DGKI: variants seen among roughly 807,000 people sequenced by gnomAD.
The protein encoded by DGKI is diacylglycerol kinase iota.
A neutral mutation model predicts 147.5 loss-of-function variants in DGKI; 55 were observed. The ratio of observed to expected loss-of-function variants is 0.37; its 90% CI spans 0.30 to 0.47. The LOEUF is 0.47. Among genes scored for constraint, DGKI ranks in the 20% least tolerant of loss-of-function variants. DGKI has a pLI of 1.00. For synonymous variants in DGKI, 469 were observed against 477.1 expected (o/e 0.98, Z 0.22); for missense variants, 1,007 against 1,323.8 (o/e 0.76, Z 3.71).
chr7:137,664,395 A>AAAAG (rs1355531356), intron 3 of DGKI, among the ~76,000 whole-genome samples: 86 of 138,276 alleles, frequency 6.2e-4, no homozygotes, highest in African/African-American at 2.2e-3. Flanking sequence ...AAAAAAAAAA[A>AAAAG]AAAGAAAGAA....
chr7:137,789,833 C>T (rs1796795086), intron 1 of DGKI, among the ~76,000 whole-genome samples: 1 of 152,114 alleles, frequency 6.6e-6, no homozygotes, highest in Admixed American at 6.5e-5. Flanking sequence ...TCTTTGTATT[C>T]CCCCAAACAC....
At chr7:137,509,988 C>G (rs1230921087) in intron 21 of DGKI, among the ~76,000 whole-genome samples, 3 of 152,136 alleles carry the variant, frequency 2.0e-5, no homozygotes, top group Non-Finnish European at 2.9e-5. Flanking sequence ...GTCTTCTGAA[C>G]AAAGACAAAA....
intron 12 of DGKI, among the ~76,000 whole-genome samples, chr7:137,587,454 C>T (rs965383672): frequency 2.3e-4 from 35 of 152,180 alleles, no homozygotes; most frequent in African/African-American, 4.8e-5. Flanking sequence ...TAAACCCATT[C>T]ATGCGTGCGT....
At chr7:137,396,392 C>T (rs1437503677) in intron 31 of DGKI, among the ~76,000 whole-genome samples, 1 of 152,210 alleles carries the variant, frequency 6.6e-6, no homozygotes, top group Non-Finnish European at 1.5e-5. Flanking sequence ...CTGGCCATTT[C>T]CCCATCACTG....
In DGKI at chr7:137,809,361, T is replaced by C. The variant is rs546705687; in HGVS notation, c.401+37101A>G. Among the ~76,000 whole-genome samples the C allele has an allele frequency of 2.0e-5, 3 of 152,222 alleles. No homozygotes were observed. In the South Asian group the frequency reaches 6.2e-4, roughly 32 times the overall value. Reference sequence around the variant, plus strand: ...GTAATCAACAGATTTGAAAGCCTGATCTGAAGCAATGACAGGAGGAATGGA... The same window carrying C: ...GTAATCAACAGATTTGAAAGCCTGACCTGAAGCAATGACAGGAGGAATGGA... On this transcript the variant is annotated intron_variant, in intron 1 of 32. Transcript: ENST00000614521.
At chr7:137,812,911 A>C (rs1797633126) in intron 1 of DGKI, among the ~76,000 whole-genome samples, 1 of 152,200 alleles carries the variant, frequency 6.6e-6, no homozygotes, top group Admixed American at 6.5e-5. Context: ...AGAAGACTGA[A>C]CCTCTCAAAT....
intron 23 of DGKI, among the ~76,000 whole-genome samples, chr7:137,483,053 G>C (rs900086748): frequency 1.3e-5 from 2 of 151,978 alleles, no homozygotes; most frequent in Admixed American, 1.3e-4. Context: ...GCAATATTTT[G>C]ACATAGAAAA....
intron 23 of DGKI, among the ~76,000 whole-genome samples, chr7:137,483,816 T>C (rs374893920): frequency 5.9e-5 from 9 of 152,162 alleles, no homozygotes; most frequent in Non-Finnish European, 8.8e-5. Context: ...ATAGTATATA[T>C]GTACCACACT....
At chr7:137,839,425 CA>C (rs1486762123) in intron 1 of DGKI, among the ~76,000 whole-genome samples, 2 of 152,158 alleles carry the variant, frequency 1.3e-5, no homozygotes, top group African/African-American at 4.8e-5. Flanking sequence ...GAATAATAGA[CA>C]AATCTGTTCC....
intron 1 of DGKI, among the ~76,000 whole-genome samples, chr7:137,795,082 C>T (rs1796981728): frequency 6.6e-6 from 1 of 152,188 alleles, no homozygotes; most frequent in Admixed American, 6.5e-5. Flanking sequence ...CAGAATGATG[C>T]TCCCTGAAAG....
intron 20 of DGKI, among the ~76,000 whole-genome samples, chr7:137,550,463 A>G (rs1032960403): frequency 1.3e-5 from 2 of 152,186 alleles, no homozygotes; most frequent in Admixed American, 1.3e-4. Context: ...GGTGTGAGCC[A>G]CCGTACCCAG....
intron 1 of DGKI, among the ~76,000 whole-genome samples, chr7:137,731,893 T>C (rs927847425): frequency 1.3e-5 from 2 of 152,054 alleles, no homozygotes; most frequent in African/African-American, 2.4e-5. Flanking sequence ...TCAGGACCTC[T>C]AGACTAACTG....
At chr7:137,559,640 C>A (rs1818349609) in intron 19 of DGKI, among the ~76,000 whole-genome samples, 1 of 151,830 alleles carries the variant, frequency 6.6e-6, no homozygotes, top group Non-Finnish European at 1.5e-5. Context: ...TACTTGTATA[C>A]ATGTGTCTTT....
At chr7:137,814,883 A>T (rs1797695236) in intron 1 of DGKI, among the ~76,000 whole-genome samples, 1 of 152,190 alleles carries the variant, frequency 6.6e-6, no homozygotes, top group South Asian at 2.1e-4. Context: ...AAAAAGGCAG[A>T]TGAACTAAAA....
intron 27 of DGKI, among the ~76,000 whole-genome samples, chr7:137,457,315 G>A (rs148657607): frequency 6.6e-6 from 1 of 152,218 alleles, no homozygotes; most frequent in African/African-American, 2.4e-5. Flanking sequence ...ATTTTCTCCC[G>A]CTTATCTGAT....
At chr7:137,686,381 C>A (rs1279833755) in intron 2 of DGKI, among the ~76,000 whole-genome samples, 3 of 152,170 alleles carry the variant, frequency 2.0e-5, no homozygotes, top group Non-Finnish European at 4.4e-5. Flanking sequence ...CAGATACTCT[C>A]CACACACCAC....
At chr7:137,574,169 T>C (rs1045855258) in intron 17 of DGKI, among the ~76,000 whole-genome samples, 2 of 152,214 alleles carry the variant, frequency 1.3e-5, no homozygotes, top group South Asian at 2.1e-4. Context: ...TCGATCTCCA[T>C]ACAGCCTAAT....
intron 2 of DGKI, among the ~76,000 whole-genome samples, chr7:137,680,828 TG>T (rs1823209944): frequency 6.6e-6 from 1 of 152,164 alleles, no homozygotes; most frequent in Non-Finnish European, 1.5e-5. Context: ...TGACATTTGC[TG>T]GGAAAAAATA....
chr7:137,629,798 C>G (rs1436618481), intron 6 of DGKI, among the ~76,000 whole-genome samples: 1 of 152,154 alleles, frequency 6.6e-6, no homozygotes, highest in East Asian at 1.9e-4. Flanking sequence ...TATGTGTACC[C>G]TTGCCTGGTA....
Sources: gnomAD v4.1 joint callset for allele counts (sites outside exome capture counted in the v4.1 genomes callset) on GRCh38, gnomAD v4.1.1 for gene constraint, MANE v1.5 for transcripts, NCBI Gene and HGNC (gene_info 2026-07-23, HGNC 2026-07-21) for gene names.